Variants in HS1BP3 observed in about 807,000 individuals in gnomAD.
HS1BP3 encodes HCLS1-binding protein 3.
In HS1BP3, 32 loss-of-function variants were observed where a neutral mutation model predicts 33.5. That is an observed-to-expected ratio of 0.95 (90% CI 0.72 to 1.28). The LOEUF (loss-of-function observed/expected upper bound fraction) is 1.28, where lower values mean the gene tolerates loss of function less well. Among genes scored for constraint, HS1BP3 ranks in the 50% most tolerant of loss-of-function variants. HS1BP3 has a pLI of 0.00. For missense variants in HS1BP3, 486 were observed against 502.3 expected, an observed-to-expected ratio of 0.97 and a Z score of 0.31; for synonymous variants, 187 against 209.2, an observed-to-expected ratio of 0.89 and a Z score of 0.92.
At chr2:20,587,975 G>C (rs989036466), downstream of HS1BP3, among the ~76,000 whole-genome samples, 6 of 151,890 alleles carry the variant, frequency 4.0e-5, no homozygotes, top group African/African-American at 1.5e-4. Context: ...CTCCACCCAG[G>C]ACATGGACAC....
intron 1 of HS1BP3, among the ~76,000 whole-genome samples, chr2:20,650,179 C>A (rs999648043): frequency 1.3e-5 from 2 of 152,220 alleles, no homozygotes; most frequent in African/African-American, 4.8e-5. Flanking sequence ...CTGATTACAA[C>A]TGGAAGATCA....
At chr2:20,592,575 C>A (rs150809992), downstream of HS1BP3, 483 of 160,038 alleles carry the variant, frequency 3.0e-3, 3 homozygotes, top group African/African-American at 0.011. Context: ...GCAGTCATAG[C>A]AAATGACCAC....
downstream of HS1BP3, among the ~76,000 whole-genome samples, chr2:20,589,341 G>A (rs75125826): frequency 0.019 from 2,928 of 152,274 alleles, 103 homozygotes; most frequent in African/African-American, 0.067. Flanking sequence ...TGACATGGGC[G>A]AGACCTCCAA....
At chr2:20,606,979 AT>A (rs35152501) in intron 2 of HS1BP3, among the ~76,000 whole-genome samples, 3 of 149,676 alleles carry the variant, frequency 2.0e-5, no homozygotes, top group Non-Finnish European at 3.0e-5. Flanking sequence ...TTATCTTTTT[AT>A]TTTTTTTTGG....
chr2:20,618,805 T>C lies in HS1BP3; in HGVS notation c.*182A>G. The C allele has an allele frequency of 8.5e-6, 12 of 1,412,758 alleles. No individual in the cohort carries two copies. Among genetic ancestry groups the C allele is most frequent in the Non-Finnish European group, 1.1e-5 (12 of 1,088,574 alleles). 87.5% of individuals were successfully genotyped at this position (1,412,758 alleles called of 1,614,324 possible). ...GAGCCGCTCCCGCAGCCCGCAGGCT[T>C]CTACTTTGGCCCCACAGCCCCGGAG... On this transcript the variant is annotated 3_prime_UTR_variant, in exon 7 of 7. Coordinates refer to ENST00000304031, the MANE Select transcript of HS1BP3 (RefSeq NM_022460.4).
chr2:20,598,751 G>A (rs1183104925), intron 2 of HS1BP3, among the ~76,000 whole-genome samples: 1 of 151,584 alleles, frequency 6.6e-6, no homozygotes, highest in Non-Finnish European at 1.5e-5. Context: ...GTAGAGACGG[G>A]GTTTCACTGT....
At chr2:20,627,770 C>G (rs1304993291) in intron 4 of HS1BP3, among the ~76,000 whole-genome samples, 1 of 152,140 alleles carries the variant, frequency 6.6e-6, no homozygotes, top group Non-Finnish European at 1.5e-5. Flanking sequence ...AAGGAAGAAG[C>G]AGGAAATATG....
the HS1BP3 span, among the ~76,000 whole-genome samples, chr2:20,554,298 T>C: frequency 6.6e-6 from 1 of 152,204 alleles, no homozygotes; most frequent in African/African-American, 2.4e-5. Flanking sequence ...TCTGCTAACA[T>C]TGAGGTCACT....
chr2:20,612,153 A>C (rs536314725), intron 2 of HS1BP3, among the ~76,000 whole-genome samples: 1 of 152,320 alleles, frequency 6.6e-6, no homozygotes, highest in South Asian at 2.1e-4. Flanking sequence ...CATTTTATAG[A>C]GGAGGAAATT....
downstream of HS1BP3, among the ~76,000 whole-genome samples, chr2:20,559,805 A>C (rs958124060): frequency 2.0e-5 from 3 of 152,136 alleles, no homozygotes; most frequent in African/African-American, 7.2e-5. Flanking sequence ...CAGGCACTGC[A>C]CTGGCACTCA....
intron 5 of HS1BP3, among the ~76,000 whole-genome samples, chr2:20,565,593 C>T (rs973352221): frequency 2.6e-5 from 4 of 152,368 alleles, no homozygotes; most frequent in Admixed American, 6.5e-5. Context: ...TGGGGACAGC[C>T]CCTCCCGGGC....
At chr2:20,595,794 G>T (rs1413784437) in intron 3 of HS1BP3, among the ~76,000 whole-genome samples, 1 of 152,228 alleles carries the variant, frequency 6.6e-6, no homozygotes, top group Non-Finnish European at 1.5e-5. Context: ...GGGCAGAGGT[G>T]ATGGTCACGT....
At chr2:20,597,605 C>G (rs1226021252) in intron 3 of HS1BP3, among the ~76,000 whole-genome samples, 1 of 151,944 alleles carries the variant, frequency 6.6e-6, no homozygotes, top group Non-Finnish European at 1.5e-5. Flanking sequence ...AACCTCCCCT[C>G]TTACTGATTT....
chr2:20,581,362 T>C (rs185629023), intron 5 of HS1BP3, among the ~76,000 whole-genome samples: 5 of 152,348 alleles, frequency 3.3e-5, no homozygotes, highest in Admixed American at 1.3e-4. Flanking sequence ...TTTTCTTTTC[T>C]TTTTTGAGAC....
rs764903603 is a variant in HS1BP3 at position 20,651,053 on chromosome 2, G to A, written c.11C>T (p.Pro4Leu). Reference protein sequence around the residue: MQSPAVLVTSRRLQ... With the variant: MQSLAVLVTSRRLQ... ...TCACCTGGAGGTGACGAGCACCGCC[G>A]GGGACTGCATGACGGCGGCGGGGAC... Residue 4 changes from proline (P) to leucine (L), a missense_variant, in exon 1 of 7, where the codon CCG (proline) becomes CTG (leucine). Physicochemically the swap from Pro to Leu is moderately conservative, Grantham distance 98 (BLOSUM62 -3). Coordinates refer to ENST00000304031, the MANE Select transcript of HS1BP3 (RefSeq NM_022460.4). 8.9e-6 allele frequency: 11 copies of A among 1,238,588 alleles called. No homozygotes were observed. The highest frequency in any genetic ancestry group is 8.2e-5 in the Admixed American group (2 of 24,418). The allele number at this position is 1,238,588 out of a possible 1,614,324, so 76.7% of individuals were successfully genotyped here. A position where few individuals can be genotyped will look rare whatever the true frequency, so the allele number is the denominator to read the frequency against.
downstream of HS1BP3, among the ~76,000 whole-genome samples, chr2:20,559,941 T>C (rs1692949181): frequency 2.6e-5 from 4 of 152,194 alleles, no homozygotes; most frequent in Admixed American, 2.6e-4. Context: ...TCAGAGGTTG[T>C]TCTAGGGAAA....
downstream of HS1BP3, among the ~76,000 whole-genome samples, chr2:20,588,318 T>C (rs182882049): frequency 9.5e-4 from 144 of 152,280 alleles, no homozygotes; most frequent in Non-Finnish European, 1.4e-3. Flanking sequence ...AACAGTGTCT[T>C]CTGAATTATT....
chr2:20,561,242 G>A (rs530714518), intron 5 of HS1BP3, among the ~76,000 whole-genome samples: 2 of 152,190 alleles, frequency 1.3e-5, no homozygotes, highest in African/African-American at 4.8e-5. Flanking sequence ...GCAGCTCAGA[G>A]CTGGCACATG....
chr2:20,594,484 A>G (rs570499964), intron 3 of HS1BP3, among the ~76,000 whole-genome samples: 3 of 152,240 alleles, frequency 2.0e-5, no homozygotes, highest in South Asian at 4.1e-4. Context: ...CTCCTTCCCT[A>G]TGCTGGGGTT....
Sources: allele counts gnomAD v4.1 joint callset (sites outside exome capture counted in the v4.1 genomes callset), GRCh38; gene constraint gnomAD v4.1.1; transcripts MANE v1.5; gene names NCBI Gene and HGNC (gene_info 2026-07-23, HGNC 2026-07-21).